The following PNLDC1 variants were observed in gnomAD, a reference collection of about 807,000 sequenced individuals.
PNLDC1 encodes poly(A)-specific ribonuclease PNLDC1.
A neutral mutation model predicts 82.0 loss-of-function variants in PNLDC1; 70 were observed. The ratio of observed to expected loss-of-function variants is 0.85; its 90% CI spans 0.70 to 1.04. The LOEUF (loss-of-function observed/expected upper bound fraction) is 1.04, where lower values mean the gene tolerates loss of function less well. Ranked by LOEUF, PNLDC1 falls within the 50% of genes least tolerant of loss-of-function variation. The pLI, the probability that PNLDC1 is intolerant of heterozygous loss-of-function variation, is 0.00. For synonymous variants in PNLDC1, 280 were observed against 249.3 expected, an observed-to-expected ratio of 1.12 and a Z score of -1.16; for missense variants, 631 against 661.1, an observed-to-expected ratio of 0.95 and a Z score of 0.50.
chr6:159,811,164 G>A (rs1488350604), intron 10 of PNLDC1, among the ~76,000 whole-genome samples: 2 of 152,162 alleles, frequency 1.3e-5, no homozygotes, highest in East Asian at 3.8e-4. Context: ...TTGCCTTTGG[G>A]GAGTAGGAAA....
rs1213022166 is a variant in PNLDC1, at chr6:159,813,480, AAG to A, written c.940-118_940-117del. 7 of 817,574 alleles carry A rather than the reference AAG, an allele frequency of 8.6e-6. No homozygotes were observed. The African/African-American group carries it at 1.0e-4, about 12-fold the overall frequency. 50.6% of individuals were successfully genotyped at this position (817,574 alleles called of 1,614,324 possible). A position where few individuals can be genotyped will look rare whatever the true frequency, so the allele number is the denominator to read the frequency against. ...AGGATGGTTGCACCATTTGAAGAGA[AAG>A]AGGAGGTTGTAGGAGTGAGCATTTT... On this transcript the variant is annotated intron_variant, in intron 11 of 18. Transcript: ENST00000392167.
Position 159,804,068 on chromosome 6 carries a change from T to C in PNLDC1, c.352T>C (p.Tyr118His). Residue 118 changes from tyrosine to histidine, a missense_variant, in exon 5 of 19, where the codon TAT (tyrosine) becomes CAT (histidine). Physicochemically the swap from Tyr to His is moderately conservative, Grantham distance 83 (BLOSUM62 2). Transcript: ENST00000392167. Reference sequence around the variant, plus strand: ...TTCCAGTGTTCAGTTTTTGAATCAGTATGGCTTCAACTATAACAAGGTATG... The same window carrying C: ...TTCCAGTGTTCAGTTTTTGAATCAGCATGGCTTCAACTATAACAAGGTATG... ...QASSVQFLNQ[Y>H]GFNYNKFLKN... 1 of 1,613,960 alleles carries C rather than the reference T, an allele frequency of 6.2e-7. No individual in the cohort carries two copies.
In PNLDC1 at chr6:159,820,571, G is replaced by A. The variant is rs1176454450; in HGVS notation, c.*54G>A. On this transcript the variant is annotated 3_prime_UTR_variant, in exon 19 of 19. Transcript: ENST00000392167. ...CGGGTCCCCATGCTCTCTGGGAGGT[G>A]TGCTGGGTGTGTTCGTGTAAATCAG... 1.3e-6 allele frequency: 2 copies of A among 1,517,998 alleles called. No homozygotes were observed. Among genetic ancestry groups the A allele is most frequent in the Admixed American group, 1.7e-5 (1 of 59,844 alleles). 94.0% of individuals were successfully genotyped at this position (1,517,998 alleles called of 1,614,324 possible).
Position 159,810,019 on chromosome 6 carries a change from C to G in PNLDC1, c.784-7C>G, listed in dbSNP as rs372623574. On this transcript the variant is annotated splice_region_variant and splice_polypyrimidine_tract_variant and intron_variant, in intron 9 of 18. Transcript: ENST00000392167. ...TTTTCTCTCACCTGTTGATTTACTC[C>G]AAGTAGCCCTTAGTGGGACATAATA... is the stretch of plus-strand genomic sequence containing the variant. The G allele has an allele frequency of 1.9e-6, 3 of 1,612,206 alleles. No individual in the cohort carries two copies. The highest frequency in any genetic ancestry group is 2.5e-6 in the Non-Finnish European group (3 of 1,178,310).
At position 159,800,282 on chromosome 6, in the gene PNLDC1, G is replaced by A. The variant is rs1781187598; in HGVS notation, c.-26G>A. On this transcript the variant is annotated 5_prime_UTR_variant, in exon 1 of 19. Coordinates refer to ENST00000392167, the MANE Select transcript of PNLDC1 (RefSeq NM_001271862.2). The stretch of plus-strand genomic sequence containing the variant: ...CACGTGGGCAGCACGTGATAGCGCT[G>A]GGCGACTCCGCGGAGCTGCACGGCC... The A allele has an allele frequency of 6.5e-7, 1 of 1,539,728 alleles. No individual in the cohort carries two copies. Among genetic ancestry groups the A allele is most frequent in the East Asian group, 2.5e-5 (1 of 40,584 alleles).
chr6:159,817,020 T>C (rs1781857929), intron 14 of PNLDC1, 89 bp from the exon 15 acceptor site: 23 of 1,330,594 alleles, frequency 1.7e-5, no homozygotes, highest in Non-Finnish European at 2.5e-5. Context: ...TCTACATTTA[T>C]TTCAGATTGG....
chr6:159,808,529 T>TGATAA (rs1554273214), intron 7 of PNLDC1, among the ~76,000 whole-genome samples: 2 of 127,374 alleles, frequency 1.6e-5, no homozygotes, highest in Non-Finnish European at 3.3e-5. Context: ...GGCCCTGAGA[T>TGATAA]AAAAAAAAAA....
At chr6:159,816,117 C>CCCACCCCCCCCCCCCCCCACCCG in intron 13 of PNLDC1, 84 bp downstream of exon 13, 1 of 1,028,536 alleles carries the variant, frequency 9.7e-7, no homozygotes, top group Non-Finnish European at 1.4e-6. Context: ...CCCTGGTTCC[C>CCCACCCCCCCCCCCCCCCACCCG]CCACACCCCT....
chr6:159,810,201 T>A, intron 10 of PNLDC1, 106 bp downstream of exon 10: 1 of 969,030 alleles, frequency 1.0e-6, no homozygotes, highest in Non-Finnish European at 1.6e-6. Context: ...TGCCCATTCC[T>A]CCCCAGTGTC....
Position 159,810,096 on chromosome 6 carries a change from G to A in PNLDC1, c.853+1G>A. ...GAGAAGTTCTTCAGACCCCTCCCAGGTAGGGGCAAACCTGTCATTTCTCTT... is the reference window on the plus strand; with the variant it reads ...GAGAAGTTCTTCAGACCCCTCCCAGATAGGGGCAAACCTGTCATTTCTCTT... On this transcript the variant is annotated splice_donor_variant, in intron 10 of 18. Coordinates refer to ENST00000392167, the MANE Select transcript of PNLDC1 (RefSeq NM_001271862.2). LOFTEE classifies it high-confidence loss of function. The A allele has an allele frequency of 1.9e-6, 3 of 1,613,142 alleles. No individual in the cohort carries two copies. Among genetic ancestry groups the A allele is most frequent in the South Asian group, 1.1e-5 (1 of 91,058 alleles).
At chr6:159,806,170 T>C in intron 7 of PNLDC1, 87 bp downstream of exon 7, 1 of 1,019,480 alleles carries the variant, frequency 9.8e-7, no homozygotes, top group Non-Finnish European at 1.5e-6. Flanking sequence ...CACCCTTTCT[T>C]GGGATCCTGG....
At position 159,811,889 on chromosome 6, in the gene PNLDC1, GT is replaced by G. The variant is rs397886014; in HGVS notation, c.939+107del. The G allele has an allele frequency of 2.3e-3, 1,499 of 650,972 alleles. 18 individuals carry two copies. The highest frequency in any genetic ancestry group is 3.9e-3 in the Middle Eastern group (12 of 3,098). The allele number at this position is 650,972 out of a possible 1,614,324, so 40.3% of individuals were successfully genotyped here. ...TTTCTTGTGTTTTTTTGTTTTTTTT[GT>G]TTTGTTTTGTTTTGTTTTGTTTTGT... On this transcript the variant is annotated intron_variant, in intron 11 of 18. Transcript: ENST00000392167.
At chr6:159,814,419 C>T (rs1030254974) in intron 12 of PNLDC1, among the ~76,000 whole-genome samples, 2 of 152,210 alleles carry the variant, frequency 1.3e-5, no homozygotes, top group East Asian at 1.9e-4. Flanking sequence ...TCATCCACCC[C>T]CTGGGCTTCA....
intron 14 of PNLDC1, 116 bp from the exon 15 acceptor site, chr6:159,816,993 C>T: frequency 1.8e-6 from 2 of 1,083,312 alleles, no homozygotes; most frequent in Non-Finnish European, 2.8e-6. Context: ...GGCAGTATGC[C>T]CCTGCCGTCC....
chr6:159,804,236 G>T (rs1340546314), intron 5 of PNLDC1, 148 bp downstream of exon 5: 7 of 917,092 alleles, frequency 7.6e-6, no homozygotes, highest in Non-Finnish European at 1.2e-5. Context: ...AAGTAGCTGG[G>T]ATTACAGGCA....
chr6:159,806,226 G>A (rs1781441932), intron 7 of PNLDC1, 143 bp downstream of exon 7: 9 of 668,634 alleles, frequency 1.3e-5, no homozygotes, highest in Admixed American at 2.3e-5. Context: ...TTTGTTTGGC[G>A]GTTACGGAGT....
At chr6:159,811,977 G>A (rs1781662647) in intron 11 of PNLDC1, among the ~76,000 whole-genome samples, 191 bp downstream of exon 11, 1 of 152,026 alleles carries the variant, frequency 6.6e-6, no homozygotes, top group South Asian at 2.1e-4. Flanking sequence ...TCAGCTCACT[G>A]CAACCTTTGA....
At position 159,811,613 on chromosome 6, in the gene PNLDC1, G is replaced by T; in HGVS notation, c.854-88G>T. On this transcript the variant is annotated intron_variant, in intron 10 of 18. Transcript: ENST00000392167. The stretch of plus-strand genomic sequence containing the variant: ...GTTTCAGTTTGCTTTATTAATCAGT[G>T]CCAGTGGCAAGCTAGGTTCAAGAAT... 4 of 973,584 alleles carry T rather than the reference G, an allele frequency of 4.1e-6. No homozygotes were observed. In the South Asian group the frequency reaches 5.4e-5, roughly 13 times the overall value. 60.3% of individuals were successfully genotyped at this position (973,584 alleles called of 1,614,324 possible).
rs73781673 is a variant in PNLDC1, at chr6:159,812,573, G to A, written c.939+787G>A. ...TGGAATCACGTGGAAAGTTGAAAAT[G>A]CTGATAGCCAGGCTGCACTGGCAGC... On this transcript the variant is annotated intron_variant, in intron 11 of 18. Coordinates refer to ENST00000392167, the MANE Select transcript of PNLDC1 (RefSeq NM_001271862.2). Among the ~76,000 whole-genome samples the A allele has an allele frequency of 6.4e-3, 980 of 152,286 alleles. 8 individuals carry two copies. The highest frequency in any genetic ancestry group is 0.021 in the African/African-American group (891 of 41,558).
Sources: allele counts gnomAD v4.1 joint callset (sites outside exome capture counted in the v4.1 genomes callset), GRCh38; gene constraint gnomAD v4.1.1; transcripts MANE v1.5; gene names NCBI Gene and HGNC (gene_info 2026-07-23, HGNC 2026-07-21).